The following KCNH7 variants were observed in gnomAD, a reference collection of about 807,000 sequenced individuals.
The protein encoded by KCNH7 is voltage-gated inwardly rectifying potassium channel KCNH7.
KCNH7 carries 49 observed loss-of-function variants against 120.8 expected under a neutral mutation model. The ratio of observed to expected loss-of-function variants is 0.41; its 90% CI spans 0.32 to 0.51. KCNH7 has a LOEUF of 0.51. Among genes scored for constraint, KCNH7 ranks in the 20% least tolerant of loss-of-function variants. The pLI is 0.38. For synonymous variants in KCNH7, 547 were observed against 516.1 expected (o/e 1.06, Z -0.81); for missense variants, 1,097 against 1,446.6 (o/e 0.76, Z 3.92).
chr2:162,509,430 A>T (rs982143456), intron 5 of KCNH7, among the ~76,000 whole-genome samples: 2 of 151,614 alleles, frequency 1.3e-5, no homozygotes, highest in Non-Finnish European at 3.0e-5. Flanking sequence ...ATCTTAGGGC[A>T]CTGAGTTTAT....
chr2:162,605,428 T>C (rs1390301553), intron 2 of KCNH7, among the ~76,000 whole-genome samples: 2 of 152,124 alleles, frequency 1.3e-5, no homozygotes, highest in African/African-American at 4.8e-5. Flanking sequence ...AGATAAACCA[T>C]TTCAGAGAAG....
chr2:162,639,572 C>T (rs1423388923), intron 2 of KCNH7, among the ~76,000 whole-genome samples: 3 of 152,000 alleles, frequency 2.0e-5, no homozygotes. Flanking sequence ...TTTAAAAAAG[C>T]ATTAAAATAG....
chr2:162,679,780 C>T (rs571948758), intron 2 of KCNH7, among the ~76,000 whole-genome samples: 17 of 151,710 alleles, frequency 1.1e-4, no homozygotes, highest in Admixed American at 9.9e-4. Flanking sequence ...ATGTATTATG[C>T]TTAATTTATT....
chr2:162,379,776 T>C, intron 14 of KCNH7, 77 bp downstream of exon 14: 2 of 1,381,112 alleles, frequency 1.4e-6, no homozygotes, highest in Non-Finnish European at 2.0e-6. Flanking sequence ...AAGGAGAATT[T>C]TCCATTTGTA....
At chr2:162,836,380 A>G (rs1277634726) in intron 2 of KCNH7, among the ~76,000 whole-genome samples, 157 bp downstream of exon 2, 1 of 152,216 alleles carries the variant, frequency 6.6e-6, no homozygotes, top group Non-Finnish European at 1.5e-5. Flanking sequence ...CCAGACCACT[A>G]ATCAGAATAC....
intron 12 of KCNH7, among the ~76,000 whole-genome samples, chr2:162,388,985 GA>G (rs1165077144): frequency 6.6e-6 from 1 of 151,846 alleles, no homozygotes; most frequent in Non-Finnish European, 1.5e-5. Flanking sequence ...CTACTCTTAG[GA>G]TGTGTGTATC....
intron 5 of KCNH7, among the ~76,000 whole-genome samples, chr2:162,511,144 T>G (rs1307128410): frequency 6.6e-6 from 1 of 150,800 alleles, no homozygotes; most frequent in African/African-American, 2.4e-5. Context: ...AATGAGAGAG[T>G]TGAGAAAAAA....
chr2:162,435,649 A>G, intron 7 of KCNH7, 52 bp from the exon 8 acceptor site: 1 of 1,512,874 alleles, frequency 6.6e-7, no homozygotes, highest in South Asian at 1.3e-5. Context: ...AATTCAAAGT[A>G]CATTCATATG....
At chr2:162,520,878 T>A (rs1007493041) in intron 3 of KCNH7, among the ~76,000 whole-genome samples, 1 of 151,850 alleles carries the variant, frequency 6.6e-6, no homozygotes, top group African/African-American at 2.4e-5. Context: ...AAGACAAAAC[T>A]CTCTCCATCC....
intron 2 of KCNH7, among the ~76,000 whole-genome samples, chr2:162,836,179 G>A (rs10171918): frequency 0.58 from 88,899 of 151,980 alleles, 27,408 homozygotes; most frequent in South Asian, 0.84. Context: ...GTTCAAACAA[G>A]TAACACTGTA....
intron 13 of KCNH7, among the ~76,000 whole-genome samples, chr2:162,384,119 A>G (rs1467715717): frequency 1.3e-5 from 2 of 151,720 alleles, no homozygotes; most frequent in Non-Finnish European, 2.9e-5. Context: ...TTATTACCCA[A>G]CTCGTGCACA....
At chr2:162,487,115 A>G (rs1306503159) in intron 6 of KCNH7, among the ~76,000 whole-genome samples, 3 of 152,160 alleles carry the variant, frequency 2.0e-5, no homozygotes, top group Non-Finnish European at 4.4e-5. Flanking sequence ...TAGCTACCCA[A>G]TGAAAGTAAG....
At chr2:162,442,003 T>TTTTTTTTTTTG (rs1688433724) in intron 7 of KCNH7, among the ~76,000 whole-genome samples, 1 of 82,550 alleles carries the variant, frequency 1.2e-5, no homozygotes, top group Non-Finnish European at 2.2e-5. Flanking sequence ...GGTCTTCTTT[T>TTTTTTTTTTTG]TTTTTTTTTT....
At chr2:162,814,450 G>A (rs1684846142) in intron 2 of KCNH7, among the ~76,000 whole-genome samples, 1 of 152,132 alleles carries the variant, frequency 6.6e-6, no homozygotes, top group South Asian at 2.1e-4. Flanking sequence ...GGCAAAATAG[G>A]CCTCAAGTCT....
chr2:162,755,791 TATG>T (rs780308320), intron 2 of KCNH7, among the ~76,000 whole-genome samples: 55 of 152,276 alleles, frequency 3.6e-4, no homozygotes, highest in Admixed American at 1.6e-3. Flanking sequence ...AAATACTAAC[TATG>T]AGCTGTAGTC....
At chr2:162,391,663 T>C (rs1686749100) in intron 12 of KCNH7, among the ~76,000 whole-genome samples, 1 of 152,046 alleles carries the variant, frequency 6.6e-6, no homozygotes, top group African/African-American at 2.4e-5. Context: ...ACAGTACAAA[T>C]TGTGACATTG....
chr2:162,669,832 G>T (rs2105293366), intron 2 of KCNH7, among the ~76,000 whole-genome samples: 1 of 152,308 alleles, frequency 6.6e-6, no homozygotes, highest in East Asian at 1.9e-4. Context: ...GGGAGCGGTG[G>T]CTCACACCTG....
intron 6 of KCNH7, among the ~76,000 whole-genome samples, chr2:162,447,243 T>C (rs1307682222): frequency 6.6e-6 from 1 of 152,086 alleles, no homozygotes; most frequent in Admixed American, 6.6e-5. Context: ...ACTAAAACAG[T>C]TCACCTTTTA....
chr2:162,761,639 A>G (rs2105451890), intron 2 of KCNH7, among the ~76,000 whole-genome samples: 1 of 152,258 alleles, frequency 6.6e-6, no homozygotes, highest in Admixed American at 6.5e-5. Context: ...GTTAGAGTCG[A>G]TGTCCAAGTC....
Sources: allele counts gnomAD v4.1 joint callset (sites outside exome capture counted in the v4.1 genomes callset), GRCh38; gene constraint gnomAD v4.1.1; transcripts MANE v1.5; gene names NCBI Gene and HGNC (gene_info 2026-07-23, HGNC 2026-07-21).